STUM: variants seen among roughly 807,000 people sequenced by gnomAD.
STUM encodes the protein stum, mechanosensory transduction mediator homolog.
Under a neutral mutation model 15.3 loss-of-function variants are expected in STUM, and 8 were observed. The ratio of observed to expected loss-of-function variants is 0.52; its 90% CI spans 0.31 to 0.94. STUM has a LOEUF of 0.94. STUM is among the 40% of genes least tolerant of loss of function. The pLI, the probability that STUM is intolerant of heterozygous loss-of-function variation, is 0.05. For missense variants in STUM, 142 were observed against 204.9 expected, an observed-to-expected ratio of 0.69 and a Z score of 1.87; for synonymous variants, 78 against 88.7, an observed-to-expected ratio of 0.88 and a Z score of 0.68.
chr1:226,578,046 A>C (rs1016338879), intron 1 of STUM, among the ~76,000 whole-genome samples: 4 of 152,146 alleles, frequency 2.6e-5, no homozygotes, highest in Non-Finnish European at 5.9e-5. Context: ...AGGCGGCCCC[A>C]GACTGCCCTC....
intron 1 of STUM, among the ~76,000 whole-genome samples, chr1:226,562,185 C>G (rs1467803655): frequency 2.0e-5 from 3 of 152,094 alleles, no homozygotes; most frequent in Non-Finnish European, 4.4e-5. Flanking sequence ...CATTGCATCT[C>G]TGGCCTGGTG....
intron 1 of STUM, among the ~76,000 whole-genome samples, chr1:226,584,412 G>T (rs1395847069): frequency 6.6e-6 from 1 of 152,220 alleles, no homozygotes; most frequent in African/African-American, 2.4e-5. Context: ...ATATGCTGTT[G>T]GTTATTAGAG....
intron 1 of STUM, among the ~76,000 whole-genome samples, chr1:226,596,057 A>C (rs1023100842): frequency 6.6e-6 from 1 of 152,166 alleles, no homozygotes; most frequent in African/African-American, 2.4e-5. Flanking sequence ...TAACTCGGTA[A>C]AGGTAGTGAT....
chr1:226,586,014 A>T (rs891953114), intron 1 of STUM, among the ~76,000 whole-genome samples: 35 of 152,032 alleles, frequency 2.3e-4, no homozygotes, highest in Non-Finnish European at 4.4e-5. Context: ...AGCTTGGATT[A>T]TAAGGGCATC....
chr1:226,607,154 A>G lies in STUM; in HGVS notation c.*5114A>G, dbSNP rs2102719632. ...TGGATCTTTAAAATAATCACAAAAA[A>G]GCTCAGCCTGAGCAGGTGGGTGCAA... is the stretch of plus-strand genomic sequence containing the variant. On this transcript the variant is annotated 3_prime_UTR_variant, in exon 4 of 4. Coordinates refer to ENST00000366788, the MANE Select transcript of STUM (RefSeq NM_001003665.4). 1 of 152,284 alleles carries G rather than the reference A, an allele frequency of 6.6e-6. No individual in the cohort carries two copies. The highest frequency in any genetic ancestry group is 2.4e-5 in the African/African-American group (1 of 41,550). The allele number at this position is 152,284 out of a possible 1,614,324, so 9.4% of individuals were successfully genotyped here. A position where few individuals can be genotyped will look rare whatever the true frequency, so the allele number is the denominator to read the frequency against.
chr1:226,593,638 C>T (rs889298838), intron 1 of STUM, among the ~76,000 whole-genome samples: 1 of 152,164 alleles, frequency 6.6e-6, no homozygotes, highest in Non-Finnish European at 1.5e-5. Context: ...AAGGAAGCTC[C>T]AGCCAACACT....
intron 1 of STUM, among the ~76,000 whole-genome samples, chr1:226,570,655 C>G (rs1313873757): frequency 6.6e-6 from 1 of 152,188 alleles, no homozygotes; most frequent in Non-Finnish European, 1.5e-5. Context: ...CCTCTTTGAG[C>G]TCCCTGCTTC....
At chr1:226,596,764 A>T (rs771630623) in intron 1 of STUM, 38 bp from the exon 2 acceptor site, 2 of 1,583,010 alleles carry the variant, frequency 1.3e-6, no homozygotes, top group East Asian at 2.3e-5. Flanking sequence ...TTTGTCTCCC[A>T]GTGCCCTCAG....
chr1:226,584,131 G>T lies in STUM; in HGVS notation c.203-12671G>T, dbSNP rs1667961050. 2.0e-5 allele frequency among the ~76,000 whole-genome samples: 3 copies of T among 152,168 alleles called. No individual in the cohort carries two copies. In the South Asian group the frequency reaches 6.2e-4, roughly 32 times the overall value. ...CTCAGCTAGCAAGACTCAAAACCAG[G>T]GTGACTCGATGGTTGAGGACTGGAA... On this transcript the variant is annotated intron_variant, in intron 1 of 3. Coordinates refer to ENST00000366788, the MANE Select transcript of STUM (RefSeq NM_001003665.4).
chr1:226,556,555 C>T (rs749100507), intron 1 of STUM, among the ~76,000 whole-genome samples: 13 of 152,032 alleles, frequency 8.6e-5, no homozygotes, highest in Admixed American at 1.3e-4. Flanking sequence ...AATTAAGTGC[C>T]GTTTCGAGTT....
rs1209219157 is a variant in STUM, at chr1:226,606,788, A to G, written c.*4748A>G. ...AAGCCGGGCCTCAGGCTGAGGAAAA[A>G]CAGAGTTTCCTCTCCAGAGGGCTCA... On this transcript the variant is annotated 3_prime_UTR_variant, in exon 4 of 4. Transcript: ENST00000366788. 1 of 152,216 alleles carries G rather than the reference A, an allele frequency of 6.6e-6. No individual in the cohort carries two copies. The highest frequency in any genetic ancestry group is 1.5e-5 in the Non-Finnish European group (1 of 68,076). The allele number at this position is 152,216 out of a possible 1,614,324, so 9.4% of individuals were successfully genotyped here. A position where few individuals can be genotyped will look rare whatever the true frequency, so the allele number is the denominator to read the frequency against.
In STUM at chr1:226,608,713, C is replaced by T. The variant is rs1668400711; in HGVS notation, c.*6673C>T. 1 of 152,266 alleles carries T rather than the reference C, an allele frequency of 6.6e-6. No homozygotes were observed. Among genetic ancestry groups the T allele is most frequent in the Non-Finnish European group, 1.5e-5 (1 of 68,084 alleles). 9.4% of individuals were successfully genotyped at this position (152,266 alleles called of 1,614,324 possible). ...GTCCAGCCATGAGGGTATTTCCAGC[C>T]TATTCCAATGACTGAAACCCTTCTT... On this transcript the variant is annotated 3_prime_UTR_variant, in exon 4 of 4. Coordinates refer to ENST00000366788, the MANE Select transcript of STUM (RefSeq NM_001003665.4). The surrounding 1 kb of genome is among the most constrained non-coding windows in gnomAD (Gnocchi z 4.0).
chr1:226,560,906 G>A lies in STUM; in HGVS notation c.202+11800G>A, dbSNP rs151278032. ...AGTTCACATTCCACATTGGACCCAC[G>A]AGGGTCCAGCGAGCTTTACCCATTC... On this transcript the variant is annotated intron_variant, in intron 1 of 3. Transcript: ENST00000366788. 1.9e-3 allele frequency among the ~76,000 whole-genome samples: 290 copies of A among 152,264 alleles called. 2 individuals carry two copies. Among genetic ancestry groups the A allele is most frequent in the African/African-American group, 6.6e-3 (273 of 41,548 alleles).
In STUM at chr1:226,567,666, A is replaced by G. The variant is rs1325712146; in HGVS notation, c.202+18560A>G. Among the ~76,000 whole-genome samples, 1 of 152,192 alleles carries G rather than the reference A, an allele frequency of 6.6e-6. No individual in the cohort carries two copies. Among genetic ancestry groups the G allele is most frequent in the African/African-American group, 2.4e-5 (1 of 41,448 alleles). Reference sequence around the variant, plus strand: ...TAAGACAGAGAATTTTCTAATAGCCAAACACACATTGGAGAAGAAATGACA... The same window carrying G: ...TAAGACAGAGAATTTTCTAATAGCCGAACACACATTGGAGAAGAAATGACA... On this transcript the variant is annotated intron_variant, in intron 1 of 3. Coordinates refer to ENST00000366788, the MANE Select transcript of STUM (RefSeq NM_001003665.4). This position sits in a 1 kb window ranked among gnomAD's most constrained non-coding sequence, Gnocchi z 4.5.
intron 1 of STUM, among the ~76,000 whole-genome samples, chr1:226,553,814 A>G (rs572695533): frequency 6.6e-6 from 1 of 152,352 alleles, no homozygotes; most frequent in East Asian, 1.9e-4. Context: ...TTCAACTTCT[A>G]AAATCAACAA....
In STUM at chr1:226,605,911, C is replaced by G. The variant is rs1272816291; in HGVS notation, c.*3871C>G. 6.6e-6 allele frequency: 1 copy of G among 152,274 alleles called. No individual in the cohort carries two copies. The highest frequency in any genetic ancestry group is 1.5e-5 in the Non-Finnish European group (1 of 68,084). 9.4% of individuals were successfully genotyped at this position (152,274 alleles called of 1,614,324 possible). On this transcript the variant is annotated 3_prime_UTR_variant, in exon 4 of 4. Transcript: ENST00000366788. This position sits in a 1 kb window ranked among gnomAD's most constrained non-coding sequence, Gnocchi z 4.0. ...AATGTGCAGGACCAAGTTGCCCGCT[C>G]TGCCAGCCAGGGGCTCCAGCCATGC...
rs569408684 is a variant in STUM at position 226,558,417 on chromosome 1, A to T, written c.202+9311A>T. ...CTAACAAGCACTTCCACCTTTTTTCAGTAGCTCAATTCCATGCAGCACATG... is the reference window on the plus strand; with the variant it reads ...CTAACAAGCACTTCCACCTTTTTTCTGTAGCTCAATTCCATGCAGCACATG... On this transcript the variant is annotated intron_variant, in intron 1 of 3. Transcript: ENST00000366788. Among the ~76,000 whole-genome samples, 12 of 152,272 alleles carry T rather than the reference A, an allele frequency of 7.9e-5. No homozygotes were observed. In the South Asian group the frequency reaches 2.1e-3, roughly 26 times the overall value.
In STUM at chr1:226,608,748, C is replaced by T. The variant is rs1668401120; in HGVS notation, c.*6708C>T. On this transcript the variant is annotated 3_prime_UTR_variant, in exon 4 of 4. Coordinates refer to ENST00000366788, the MANE Select transcript of STUM (RefSeq NM_001003665.4). This position sits in a 1 kb window ranked among gnomAD's most constrained non-coding sequence, Gnocchi z 4.0. Reference sequence around the variant, plus strand: ...GACTGAAACCCTTCTTGGAAGAAAACGTCTAATGTCGGGGACGTAGGGACG... The same window carrying T: ...GACTGAAACCCTTCTTGGAAGAAAATGTCTAATGTCGGGGACGTAGGGACG... 6.6e-6 allele frequency: 1 copy of T among 152,126 alleles called. No homozygotes were observed. The highest frequency in any genetic ancestry group is 6.5e-5 in the Admixed American group (1 of 15,280). The allele number at this position is 152,126 out of a possible 1,614,324, so 9.4% of individuals were successfully genotyped here.
At chr1:226,550,512 C>A (rs1220497684) in intron 1 of STUM, among the ~76,000 whole-genome samples, 1 of 152,044 alleles carries the variant, frequency 6.6e-6, no homozygotes, top group Non-Finnish European at 1.5e-5. Flanking sequence ...GAAATTCTCA[C>A]CTGCTGGAGT....
Sources: gnomAD v4.1 joint callset for allele counts (sites outside exome capture counted in the v4.1 genomes callset) on GRCh38, gnomAD v4.1.1 for gene constraint, Gnocchi (gnomAD v3.1) non-coding constraint, MANE v1.5 for transcripts, NCBI Gene and HGNC (gene_info 2026-07-23, HGNC 2026-07-21) for gene names.